PSD3: variants seen among roughly 807,000 people sequenced by gnomAD.
The protein encoded by PSD3 is PH and SEC7 domain-containing protein 3.
Under a neutral mutation model 105.5 loss-of-function variants are expected in PSD3, and 49 were observed. That is an observed-to-expected ratio of 0.46 (90% CI 0.37 to 0.59). The LOEUF is 0.59. Ranked by LOEUF, PSD3 falls within the 20% of genes least tolerant of loss-of-function variation. The pLI, the probability that PSD3 is intolerant of heterozygous loss-of-function variation, is 0.00. For missense variants in PSD3, 1,561 were observed against 1,263.8 expected, an observed-to-expected ratio of 1.24 and a Z score of -3.57; for synonymous variants, 557 against 457.8, an observed-to-expected ratio of 1.22 and a Z score of -2.77.
intron 9 of PSD3, among the ~76,000 whole-genome samples, chr8:18,732,487 G>C (rs959709311): frequency 2.6e-5 from 4 of 152,240 alleles, no homozygotes; most frequent in African/African-American, 9.6e-5. Flanking sequence ...TCAACCCCAT[G>C]TGCTAATGGC....
At chr8:18,915,076 G>T (rs1820495143) in intron 2 of PSD3, among the ~76,000 whole-genome samples, 3 of 151,468 alleles carry the variant, frequency 2.0e-5, no homozygotes, top group African/African-American at 7.3e-5. Context: ...TTTGACAAAG[G>T]TATCAAGGAC....
intron 1 of PSD3, among the ~76,000 whole-genome samples, chr8:18,977,891 A>G (rs1176641314): frequency 6.6e-6 from 1 of 152,204 alleles, no homozygotes; most frequent in Non-Finnish European, 1.5e-5. Flanking sequence ...ATTTCCAAGC[A>G]TAGAAGTCAC....
intron 1 of PSD3, among the ~76,000 whole-genome samples, chr8:18,952,141 A>G (rs1823275315): frequency 6.6e-6 from 1 of 152,294 alleles, no homozygotes; most frequent in African/African-American, 2.4e-5. Context: ...TGGAGAATAA[A>G]TGATTCACCA....
chr8:18,631,084 G>A (rs1324452844), intron 11 of PSD3, among the ~76,000 whole-genome samples: 1 of 151,964 alleles, frequency 6.6e-6, no homozygotes, highest in Non-Finnish European at 1.5e-5. Flanking sequence ...ACCTGACTGA[G>A]GGGAATGAAC....
In PSD3 at chr8:18,797,169, T is replaced by TTATGGAAATGC. The variant is rs1810260645; in HGVS notation, c.2082+2125_2082+2126insGCATTTCCATA. Among the ~76,000 whole-genome samples the TTATGGAAATGC allele has an allele frequency of 4.6e-5, 7 of 152,304 alleles. 1 individual carries two copies. Among genetic ancestry groups the TTATGGAAATGC allele is most frequent in the African/African-American group, 1.4e-4 (6 of 41,574 alleles). The stretch of plus-strand genomic sequence containing the variant: ...AGCTACTATATATTCAACAGACTTG[T>TTATGGAAATGC]AACAGCATGCATTATGGAAAACTAA... On this transcript the variant is annotated intron_variant, in intron 8 of 15. Transcript: ENST00000327040.
intron 9 of PSD3, among the ~76,000 whole-genome samples, chr8:18,721,466 A>C (rs929947407): frequency 3.9e-5 from 6 of 152,212 alleles, no homozygotes; most frequent in African/African-American, 1.4e-4. Flanking sequence ...GAAGTTCTAT[A>C]GCATAGCTGG....
intron 14 of PSD3, among the ~76,000 whole-genome samples, chr8:18,571,754 C>A (rs1372991566): frequency 6.6e-6 from 1 of 152,132 alleles, no homozygotes; most frequent in African/African-American, 2.4e-5. Context: ...CTAGTTAATA[C>A]CAACACTTGG....
At chr8:19,004,080 A>G (rs959705451) in intron 1 of PSD3, among the ~76,000 whole-genome samples, 4 of 152,140 alleles carry the variant, frequency 2.6e-5, no homozygotes, top group African/African-American at 9.6e-5. Context: ...AGTTTGGGAA[A>G]CACTATTTAG....
chr8:18,899,627 T>A (rs778902299), intron 2 of PSD3, among the ~76,000 whole-genome samples: 1 of 152,072 alleles, frequency 6.6e-6, no homozygotes, highest in East Asian at 1.9e-4. Flanking sequence ...GTCTTCACTG[T>A]TGAACTCATA....
chr8:19,076,335 C>G (rs997037526), intron 1 of PSD3, among the ~76,000 whole-genome samples: 1 of 152,102 alleles, frequency 6.6e-6, no homozygotes, highest in Non-Finnish European at 1.5e-5. Flanking sequence ...TTCTAGTTTC[C>G]TGGCCTGTAG....
intron 9 of PSD3, among the ~76,000 whole-genome samples, chr8:18,678,218 C>A (rs1275526867): frequency 6.6e-6 from 1 of 151,998 alleles, no homozygotes; most frequent in African/African-American, 2.4e-5. Flanking sequence ...CCTTCAAATG[C>A]CAGGATTAGA....
At chr8:18,832,039 T>C (rs73580738) in intron 4 of PSD3, among the ~76,000 whole-genome samples, 2 of 152,338 alleles carry the variant, frequency 1.3e-5, no homozygotes, top group African/African-American at 4.8e-5. Context: ...AAAACCTTCC[T>C]TTCTGTTGCC....
At chr8:18,577,457 T>C (rs757629512) in intron 12 of PSD3, among the ~76,000 whole-genome samples, 42 of 152,170 alleles carry the variant, frequency 2.8e-4, no homozygotes, top group South Asian at 1.4e-3. Flanking sequence ...GTTTATCCCC[T>C]TCAGACACGT....
chr8:18,537,679 AT>A (rs776968536), intron 15 of PSD3, among the ~76,000 whole-genome samples: 404 of 39,546 alleles, frequency 0.01, 1 homozygote, highest in Non-Finnish European at 0.021. Flanking sequence ...TTAGCCTCTC[AT>A]TCTTTTTTTT....
chr8:19,064,387 C>T (rs1267238724), intron 1 of PSD3, among the ~76,000 whole-genome samples: 4 of 151,846 alleles, frequency 2.6e-5, no homozygotes, highest in East Asian at 3.9e-4. Flanking sequence ...CTATTTTTAA[C>T]TGTTATTTAC....
chr8:18,716,492 G>C (rs1453463151), intron 9 of PSD3, among the ~76,000 whole-genome samples: 1 of 152,146 alleles, frequency 6.6e-6, no homozygotes, highest in Admixed American at 6.5e-5. Flanking sequence ...GAATGAGCTT[G>C]GTGTATTCAC....
At chr8:18,990,347 G>A (rs116090650) in intron 1 of PSD3, among the ~76,000 whole-genome samples, 16 of 152,244 alleles carry the variant, frequency 1.1e-4, no homozygotes, top group African/African-American at 1.9e-4. Context: ...CATTCCTACC[G>A]CTCCACCCAC....
Position 18,796,080 on chromosome 8 carries a change from T to C in PSD3, c.2082+3215A>G, listed in dbSNP as rs551150517. On this transcript the variant is annotated intron_variant, in intron 8 of 15. Coordinates refer to ENST00000327040, the MANE Select transcript of PSD3 (RefSeq NM_015310.4). ...AAATATTTAATTTAAGGGAATAAAC[T>C]ACTTGCAGACAAGTAAAAACAAGTA... Among the ~76,000 whole-genome samples the C allele has an allele frequency of 2.6e-5, 4 of 152,312 alleles. No individual in the cohort carries two copies. In the South Asian group the frequency reaches 8.3e-4, roughly 32 times the overall value.
rs143777939 is a variant in PSD3, at chr8:18,622,257, A to T, written c.2410+10356T>A. Among the ~76,000 whole-genome samples the T allele has an allele frequency of 3.9e-5, 6 of 152,376 alleles. No homozygotes were observed. The East Asian group carries it at 1.2e-3, about 29-fold the overall frequency. Reference sequence around the variant, plus strand: ...AAAATATTTTAAAATTATTAAAGTGATATGTCCACACAATTAGCCTCCTTT... The same window carrying T: ...AAAATATTTTAAAATTATTAAAGTGTTATGTCCACACAATTAGCCTCCTTT... On this transcript the variant is annotated intron_variant, in intron 11 of 15. Coordinates refer to ENST00000327040, the MANE Select transcript of PSD3 (RefSeq NM_015310.4).
Sources: allele counts gnomAD v4.1 joint callset (sites outside exome capture counted in the v4.1 genomes callset), GRCh38; gene constraint gnomAD v4.1.1; transcripts MANE v1.5; gene names NCBI Gene and HGNC (gene_info 2026-07-23, HGNC 2026-07-21).